CFAP46: variants seen among roughly 807,000 people sequenced by gnomAD.
CFAP46 encodes the protein cilia and flagella associated protein 46.
Under a neutral mutation model 325.7 loss-of-function variants are expected in CFAP46, and 245 were observed. That is an observed-to-expected ratio of 0.75 (90% CI 0.68 to 0.84). The LOEUF is 0.84. CFAP46 is among the 40% of genes least tolerant of loss of function. The pLI, the probability that CFAP46 is intolerant of heterozygous loss-of-function variation, is 0.00. For synonymous variants in CFAP46, 1,523 were observed against 1,495.9 expected (o/e 1.02, Z -0.42); for missense variants, 3,346 against 3,543.0 (o/e 0.94, Z 1.41).
chr10:132,826,035 G>GCA (rs1848040540), intron 50 of CFAP46, among the ~76,000 whole-genome samples: 1 of 128,642 alleles, frequency 7.8e-6, no homozygotes, highest in Non-Finnish European at 1.7e-5. Context: ...CCGGAGCCAT[G>GCA]GAGCCAGGCA....
chr10:132,884,959 C>T lies in CFAP46; in HGVS notation c.3627+144G>A, dbSNP rs1324964591. 1.0e-4 allele frequency: 89 copies of T among 857,012 alleles called. No individual in the cohort carries two copies. The highest frequency in any genetic ancestry group is 4.9e-4 in the East Asian group (18 of 36,452). 53.1% of individuals were successfully genotyped at this position (857,012 alleles called of 1,614,324 possible). On this transcript the variant is annotated intron_variant, in intron 27 of 57. Coordinates refer to ENST00000368586, the MANE Select transcript of CFAP46 (RefSeq NM_001200049.3). This position sits in a 1 kb window ranked among gnomAD's most constrained non-coding sequence, Gnocchi z 5.4. ...TCAGCAAGAGGAGTGCCCGGGGCCA[C>T]GCGGTGCATTCTCTGTGCCCGTCAG...
At chr10:132,917,370 G>A (rs1329028707) in intron 16 of CFAP46, among the ~76,000 whole-genome samples, 1 of 152,236 alleles carries the variant, frequency 6.6e-6, no homozygotes, top group African/African-American at 2.4e-5. Context: ...GCAGCGCGGT[G>A]GCTGCGAGCT....
At chr10:132,815,408 C>T (rs778275653) in intron 50 of CFAP46, among the ~76,000 whole-genome samples, 5 of 152,188 alleles carry the variant, frequency 3.3e-5, no homozygotes, top group South Asian at 2.1e-4. Context: ...AATGGACGCA[C>T]GCATGGGGCC....
Position 132,835,302 on chromosome 10 carries a change from A to C in CFAP46, c.6744+2T>G, listed in dbSNP as rs778565094. ...GGTGGCTTGGAGCCTGGAGGGCCTC[A>C]CCGAGCCTATGTTCAGGGCCATGTC... On this transcript the variant is annotated splice_donor_variant, in intron 47 of 57. Coordinates refer to ENST00000368586, the MANE Select transcript of CFAP46 (RefSeq NM_001200049.3). LOFTEE classifies it high-confidence loss of function. 1 of 1,612,100 alleles carries C rather than the reference A, an allele frequency of 6.2e-7. No homozygotes were observed. The highest frequency in any genetic ancestry group is 1.3e-5 in the African/African-American group (1 of 74,904).
At chr10:132,859,048 A>T in intron 38 of CFAP46, 23 bp downstream of exon 38, 1 of 1,544,674 alleles carries the variant, frequency 6.5e-7, no homozygotes, top group Non-Finnish European at 8.7e-7. Flanking sequence ...ACTCCCGTGC[A>T]GGGGTCGTGG....
In CFAP46 at chr10:132,883,216, G is replaced by C. The variant is rs550079041; in HGVS notation, c.3627+1887C>G. On this transcript the variant is annotated intron_variant, in intron 27 of 57. Transcript: ENST00000368586. ...AAAAGCAGCTCACAGAACGAGAAAG[G>C]GTTTGTAGATGAGGCTCCTGCTAAA... Among the ~76,000 whole-genome samples the C allele has an allele frequency of 1.3e-3, 205 of 152,200 alleles. 3 individuals are homozygous for C. Among genetic ancestry groups the C allele is most frequent in the Non-Finnish European group, 4.1e-4 (28 of 68,004 alleles).
chr10:132,878,508 C>G (rs2135350447), intron 29 of CFAP46, among the ~76,000 whole-genome samples: 1 of 152,298 alleles, frequency 6.6e-6, no homozygotes, highest in East Asian at 1.9e-4. Context: ...GCCCTGACAC[C>G]TGGGGGTCTG....
At chr10:132,816,394 C>T (rs1198215657) in intron 50 of CFAP46, among the ~76,000 whole-genome samples, 4 of 147,382 alleles carry the variant, frequency 2.7e-5, no homozygotes, top group South Asian at 2.2e-4. Context: ...TGCAGTGGCG[C>T]GATCTCGGCT....
intron 13 of CFAP46, among the ~76,000 whole-genome samples, chr10:132,920,796 C>G (rs953913897): frequency 6.6e-6 from 1 of 152,224 alleles, no homozygotes; most frequent in Non-Finnish European, 1.5e-5. Flanking sequence ...TGCCCCTGGG[C>G]AGGGCCCCGC....
Position 132,869,129 on chromosome 10 carries a change from C to G in CFAP46, c.4610+145G>C. On this transcript the variant is annotated intron_variant, in intron 33 of 57. Coordinates refer to ENST00000368586, the MANE Select transcript of CFAP46 (RefSeq NM_001200049.3). This position sits in a 1 kb window ranked among gnomAD's most constrained non-coding sequence, Gnocchi z 6.2. ...CACCTCCAGCACGACCCAGGAGAAC[C>G]GGCCACAGCCGTGTCCCCCAAGTGC... is the stretch of plus-strand genomic sequence containing the variant. The G allele has an allele frequency of 1.7e-6, 1 of 579,664 alleles. No homozygotes were observed. The highest frequency in any genetic ancestry group is 2.8e-6 in the Non-Finnish European group (1 of 359,792). 35.9% of individuals were successfully genotyped at this position (579,664 alleles called of 1,614,324 possible). A position where few individuals can be genotyped will look rare whatever the true frequency, so the allele number is the denominator to read the frequency against.
In CFAP46 at chr10:132,832,324, G is replaced by C. The variant is rs1319349724; in HGVS notation, c.7117+1034C>G. Among the ~76,000 whole-genome samples the C allele has an allele frequency of 1.5e-4, 22 of 150,354 alleles. No homozygotes were observed. Among genetic ancestry groups the C allele is most frequent in the Non-Finnish European group, 5.9e-5 (4 of 67,886 alleles). ...CAGGTGTCCCGCCCTGCACGTTGTAGTTGTCAGTTTCCCAGACTCCAAACT... is the reference window on the plus strand; with the variant it reads ...CAGGTGTCCCGCCCTGCACGTTGTACTTGTCAGTTTCCCAGACTCCAAACT... On this transcript the variant is annotated intron_variant, in intron 50 of 57. Transcript: ENST00000368586. This position sits in a 1 kb window ranked among gnomAD's most constrained non-coding sequence, Gnocchi z 4.1.
intron 7 of CFAP46, among the ~76,000 whole-genome samples, chr10:132,935,881 C>T (rs71481964): frequency 2.6e-5 from 3 of 113,908 alleles, no homozygotes; most frequent in African/African-American, 6.3e-5. Flanking sequence ...CCAAACCCAC[C>T]GTGATCTCCT....
At chr10:132,940,353 G>A (rs1850077829) in intron 4 of CFAP46, among the ~76,000 whole-genome samples, 1 of 152,022 alleles carries the variant, frequency 6.6e-6, no homozygotes, top group Non-Finnish European at 1.5e-5. Flanking sequence ...ATTTGAATAG[G>A]ATATGAATCA....
chr10:132,859,012 G>A, intron 38 of CFAP46, 59 bp downstream of exon 38: 3 of 1,499,170 alleles, frequency 2.0e-6, no homozygotes, highest in South Asian at 1.3e-5. Flanking sequence ...ATGGCGCTGG[G>A]CGTGTTGTGT....
intron 28 of CFAP46, among the ~76,000 whole-genome samples, chr10:132,880,114 A>ATGTATG (rs1271719307): frequency 7.0e-6 from 1 of 142,750 alleles, no homozygotes; most frequent in African/African-American, 3.0e-5. Context: ...GTGTGTGTGC[A>ATGTATG]TGTATGTGTG....
rs1849491498 is a variant in CFAP46 at position 132,908,463 on chromosome 10, C to G, written c.2924+5G>C. The G allele has an allele frequency of 6.5e-7, 1 of 1,550,384 alleles. No homozygotes were observed. The highest frequency in any genetic ancestry group is 2.0e-5 in the Admixed American group (1 of 50,986). ...GGAATTTGTCCAGTCATGAGGGTTA[C>G]TTACGGCCCAAATTTCTTCAGGTAC... On this transcript the variant is annotated splice_donor_5th_base_variant and intron_variant, in intron 22 of 57. Coordinates refer to ENST00000368586, the MANE Select transcript of CFAP46 (RefSeq NM_001200049.3).
At chr10:132,810,199 G>A (rs563331186) in intron 57 of CFAP46, among the ~76,000 whole-genome samples, 44 of 152,326 alleles carry the variant, frequency 2.9e-4, no homozygotes, top group African/African-American at 9.1e-4. Flanking sequence ...GCGCCACGGT[G>A]GGGGGCTGGG....
At chr10:132,866,200 C>A (rs542222956) in intron 34 of CFAP46, 29 bp from the exon 35 acceptor site, 2 of 1,487,568 alleles carry the variant, frequency 1.3e-6, no homozygotes, top group South Asian at 2.7e-5. Flanking sequence ...CCAGGCGGCA[C>A]GATCCTGACA....
At chr10:132,824,191 GTGTGAGTGCTGA>G in intron 50 of CFAP46, among the ~76,000 whole-genome samples, 1 of 142,936 alleles carries the variant, frequency 7.0e-6, no homozygotes, top group East Asian at 2.2e-4. Flanking sequence ...GATGTGTGCT[GTGTGAGTGCTGA>G]TGTGTGCTGT....
Sources: allele counts gnomAD v4.1 joint callset (sites outside exome capture counted in the v4.1 genomes callset), GRCh38; gene constraint gnomAD v4.1.1; non-coding constraint Gnocchi (gnomAD v3.1); transcripts MANE v1.5; gene names NCBI Gene and HGNC (gene_info 2026-07-23, HGNC 2026-07-21).